The following FAM227A variants were observed in gnomAD, a reference collection of about 807,000 sequenced individuals.
FAM227A encodes protein FAM227A.
A neutral mutation model predicts 74.7 loss-of-function variants in FAM227A; 80 were observed. That is an observed-to-expected ratio of 1.07 (90% CI 0.89 to 1.29). FAM227A has a LOEUF of 1.29. FAM227A is among the 50% of genes most tolerant of loss of function. The pLI, the probability that FAM227A is intolerant of heterozygous loss-of-function variation, is 0.00. For synonymous variants in FAM227A, 237 were observed against 241.8 expected, an observed-to-expected ratio of 0.98 and a Z score of 0.19; for missense variants, 654 against 683.4, an observed-to-expected ratio of 0.96 and a Z score of 0.48.
At chr22:38,630,378 T>A (rs990393202) in intron 6 of FAM227A, among the ~76,000 whole-genome samples, 3 of 152,110 alleles carry the variant, frequency 2.0e-5, no homozygotes, top group Non-Finnish European at 2.9e-5. Context: ...TCTAGTGGAG[T>A]GATTAAGAGC....
At position 38,582,870 on chromosome 22, in the gene FAM227A, T is replaced by C. The variant is rs751759136; in HGVS notation, c.*3255A>G. 672 of 1,550,366 alleles carry C rather than the reference T, an allele frequency of 4.3e-4. No individual in the cohort carries two copies. The highest frequency in any genetic ancestry group is 5.6e-4 in the Non-Finnish European group (646 of 1,146,994). ...GGAGCACTTGTGCCTACCTTGCTCCTGGTATATTAGGGAAGGCTCCCAAGA... is the reference window on the plus strand; with the variant it reads ...GGAGCACTTGTGCCTACCTTGCTCCCGGTATATTAGGGAAGGCTCCCAAGA... On this transcript the variant is annotated 3_prime_UTR_variant, in exon 17 of 17. Transcript: ENST00000535113.
intron 3 of FAM227A, among the ~76,000 whole-genome samples, chr22:38,645,013 G>T (rs936842625): frequency 2.0e-5 from 3 of 147,126 alleles, no homozygotes; most frequent in African/African-American, 7.6e-5. Flanking sequence ...CACTTGAAAG[G>T]GAGGCGGAGG....
rs540394484 is a variant in FAM227A at position 38,591,275 on chromosome 22, G to A, written c.1638+160C>T. 499 of 1,322,674 alleles carry A rather than the reference G, an allele frequency of 3.8e-4. 4 individuals are homozygous for A. In the African/African-American group the frequency reaches 6.2e-3, roughly 17 times the overall value. 81.9% of individuals were successfully genotyped at this position (1,322,674 alleles called of 1,614,324 possible). ...GGAGGTGGAGGCTGCAGTGAGCTAT[G>A]ATGGCACCACTGCACTCAGCCTTGA... On this transcript the variant is annotated intron_variant, in intron 16 of 16. Coordinates refer to ENST00000535113, the MANE Select transcript of FAM227A (RefSeq NM_001013647.2).
intron 11 of FAM227A, 145 bp downstream of exon 11, chr22:38,620,067 C>T (rs1227919197): frequency 3.3e-6 from 2 of 612,584 alleles, no homozygotes; most frequent in African/African-American, 1.9e-5. Flanking sequence ...CCTCCCAGGG[C>T]TCCTCACTTA....
Position 38,582,597 on chromosome 22 carries a change from T to C in FAM227A, c.*3528A>G. On this transcript the variant is annotated 3_prime_UTR_variant, in exon 17 of 17. Transcript: ENST00000535113. ...ACAGGTTTCTTCATATTTAACATCC[T>C]GAGAGGCTACAACTCTGAGTCCTCA... is the stretch of plus-strand genomic sequence containing the variant. The C allele has an allele frequency of 1.3e-6, 1 of 747,584 alleles. No individual in the cohort carries two copies. Among genetic ancestry groups the C allele is most frequent in the Non-Finnish European group, 2.1e-6 (1 of 469,034 alleles). The allele number at this position is 747,584 out of a possible 1,614,324, so 46.3% of individuals were successfully genotyped here.
At chr22:38,653,225 A>C (rs5757208) in intron 1 of FAM227A, among the ~76,000 whole-genome samples, 44,662 of 151,998 alleles carry the variant, frequency 0.29, 6,652 homozygotes, top group East Asian at 0.36. Flanking sequence ...ATGATCTGTC[A>C]CTGTCTCTCA....
chr22:38,624,415 G>A (rs1028493729), intron 9 of FAM227A, among the ~76,000 whole-genome samples: 1 of 152,070 alleles, frequency 6.6e-6, no homozygotes, highest in African/African-American at 2.4e-5. Flanking sequence ...TTAAATGGGT[G>A]TGCAGAAGAG....
intron 16 of FAM227A, among the ~76,000 whole-genome samples, chr22:38,589,925 A>G (rs1374171601): frequency 6.6e-6 from 1 of 152,086 alleles, no homozygotes; most frequent in Non-Finnish European, 1.5e-5. Context: ...ACACAGCAAG[A>G]TCTCATCTCT....
chr22:38,636,409 C>A, intron 6 of FAM227A, 42 bp downstream of exon 6: 1 of 1,543,360 alleles, frequency 6.5e-7, no homozygotes, highest in Non-Finnish European at 8.7e-7. Context: ...GCATTTGCCC[C>A]ATGGGTTGGC....
Position 38,582,861 on chromosome 22 carries a change from C to T in FAM227A, c.*3264G>A, listed in dbSNP as rs115462800. 3.6e-3 allele frequency: 5,514 copies of T among 1,550,366 alleles called. 190 individuals are homozygous for T. The African/African-American group carries it at 0.068, about 19-fold the overall frequency. The stretch of plus-strand genomic sequence containing the variant: ...TAATGCAGTGGAGCACTTGTGCCTA[C>T]CTTGCTCCTGGTATATTAGGGAAGG... On this transcript the variant is annotated 3_prime_UTR_variant, in exon 17 of 17. Transcript: ENST00000535113.
intron 15 of FAM227A, among the ~76,000 whole-genome samples, chr22:38,596,675 C>G (rs1177698036): frequency 6.6e-6 from 1 of 152,152 alleles, no homozygotes; most frequent in Non-Finnish European, 1.5e-5. Flanking sequence ...GTGTACTATC[C>G]TGATGGACAG....
intron 15 of FAM227A, among the ~76,000 whole-genome samples, chr22:38,594,247 TC>T (rs2090998270): frequency 6.6e-6 from 1 of 152,108 alleles, no homozygotes; most frequent in South Asian, 2.1e-4. Context: ...CTGTCCTTTG[TC>T]CCCTTGGCTT....
At chr22:38,640,905 T>C (rs2092100917) in intron 3 of FAM227A, among the ~76,000 whole-genome samples, 1 of 151,970 alleles carries the variant, frequency 6.6e-6, no homozygotes, top group South Asian at 2.1e-4. Flanking sequence ...CAGGGGTGTG[T>C]GTATGTGTGT....
chr22:38,613,124 A>AATTATATATATAATATATATATTATAT (rs2091463128), intron 11 of FAM227A, among the ~76,000 whole-genome samples: 1 of 91,488 alleles, frequency 1.1e-5, no homozygotes. Context: ...TATTATATAT[A>AATTATATATATAATATATATATTATAT]ATTATATATA....
rs1316291557 is a variant in FAM227A at position 38,638,803 on chromosome 22, A to T, written c.315T>A (p.Ser105=). The T allele has an allele frequency of 6.5e-7, 1 of 1,539,718 alleles. No homozygotes were observed. Among genetic ancestry groups the T allele is most frequent in the Non-Finnish European group, 8.7e-7 (1 of 1,143,540 alleles). ...GTTCGGAGCCTTTGCAGGAATACTG[A>T]GATTTCCTTTGTCTCTTGACTGCAG... ...PEDKVKRQRK[S]QYSCKGSELR... The change falls in exon 5 of 17, where the codon TCT becomes TCA. Residue 105 remains serine (S), a synonymous_variant. Coordinates refer to ENST00000535113, the MANE Select transcript of FAM227A (RefSeq NM_001013647.2).
intron 15 of FAM227A, among the ~76,000 whole-genome samples, chr22:38,596,709 A>G (rs2091052575): frequency 6.6e-6 from 1 of 152,212 alleles, no homozygotes. Flanking sequence ...CCTGATGGAC[A>G]GTTCAGTGTA....
chr22:38,595,501 C>A (rs1342703639), intron 15 of FAM227A, among the ~76,000 whole-genome samples: 1 of 152,198 alleles, frequency 6.6e-6, no homozygotes, highest in Non-Finnish European at 1.5e-5. Context: ...AGAAAAATCA[C>A]CATTTTGCAA....
chr22:38,614,259 C>T (rs923314220), intron 11 of FAM227A, among the ~76,000 whole-genome samples: 1 of 152,154 alleles, frequency 6.6e-6, no homozygotes, highest in Non-Finnish European at 1.5e-5. Context: ...GGTTTTCTCT[C>T]TCCCTATCAT....
intron 13 of FAM227A, among the ~76,000 whole-genome samples, chr22:38,604,289 T>C (rs992519622): frequency 6.6e-6 from 1 of 152,192 alleles, no homozygotes; most frequent in African/African-American, 2.4e-5. Context: ...ACGGCACCAC[T>C]GCACTCCAGC....
Sources: allele counts gnomAD v4.1 joint callset (sites outside exome capture counted in the v4.1 genomes callset), GRCh38; gene constraint gnomAD v4.1.1; transcripts MANE v1.5; gene names NCBI Gene and HGNC (gene_info 2026-07-23, HGNC 2026-07-21).